Variants in VPS53 observed in about 807,000 individuals in gnomAD.
VPS53 encodes vacuolar protein sorting-associated protein 53 homolog.
VPS53 carries 70 observed loss-of-function variants against 107.0 expected under a neutral mutation model. That is an observed-to-expected ratio of 0.65 (90% confidence interval 0.54 to 0.80). The LOEUF is 0.80. Ranked by LOEUF, VPS53 falls within the 30% of genes least tolerant of loss-of-function variation. VPS53 has a pLI of 0.00. For missense variants in VPS53, 917 were observed against 1,049.4 expected, an observed-to-expected ratio of 0.87 and a Z score of 1.74; for synonymous variants, 409 against 393.3, an observed-to-expected ratio of 1.04 and a Z score of -0.47.
chr17:587,216 C>G (rs404530), intron 12 of VPS53, among the ~76,000 whole-genome samples: 67,647 of 151,934 alleles, frequency 0.45, 16,590 homozygotes, highest in African/African-American at 0.65. Flanking sequence ...GCACACGCCA[C>G]CACACCGAGC....
intron 13 of VPS53, among the ~76,000 whole-genome samples, chr17:584,202 G>C (rs913410895): frequency 6.6e-6 from 1 of 152,164 alleles, no homozygotes; most frequent in African/African-American, 2.4e-5. Flanking sequence ...AGACTGTGAG[G>C]CTTCCTCTGG....
At chr17:645,587 A>T (rs1481034407) in intron 7 of VPS53, among the ~76,000 whole-genome samples, 1 of 152,236 alleles carries the variant, frequency 6.6e-6, no homozygotes, top group Non-Finnish European at 1.5e-5. Context: ...TGCCAAATAC[A>T]GTGGTGTGAA....
intron 13 of VPS53, among the ~76,000 whole-genome samples, chr17:566,072 C>T (rs1045040334): frequency 1.5e-4 from 23 of 150,706 alleles, no homozygotes; most frequent in Admixed American, 8.6e-4. Context: ...GGCGTAGTGG[C>T]GGGCGCCTGT....
At chr17:643,231 A>C (rs201611167) in intron 7 of VPS53, among the ~76,000 whole-genome samples, 261 of 18,898 alleles carry the variant, frequency 0.014, no homozygotes, top group Non-Finnish European at 0.025. Context: ...TCATACTTGG[A>C]AACCGAGGAC....
chr17:623,947 T>G (rs1969579579), intron 10 of VPS53, among the ~76,000 whole-genome samples: 2 of 152,080 alleles, frequency 1.3e-5, no homozygotes, highest in African/African-American at 4.8e-5. Flanking sequence ...ATTTATTTAT[T>G]TATTTATTTG....
At chr17:688,636 G>A (rs977330156) in intron 4 of VPS53, among the ~76,000 whole-genome samples, 3 of 151,226 alleles carry the variant, frequency 2.0e-5, no homozygotes, top group South Asian at 2.1e-4. Flanking sequence ...ATGAACAGTC[G>A]CCCGCCCCGC....
intron 7 of VPS53, among the ~76,000 whole-genome samples, chr17:636,137 GA>G (rs1209494477): frequency 1.3e-5 from 2 of 152,068 alleles, no homozygotes; most frequent in East Asian, 1.9e-4. Flanking sequence ...GGATTCCTAG[GA>G]TTCCCAAATT....
intron 4 of VPS53, among the ~76,000 whole-genome samples, chr17:694,511 T>C (rs1972880981): frequency 6.6e-6 from 1 of 152,176 alleles, no homozygotes; most frequent in South Asian, 2.1e-4. Flanking sequence ...TAAACATCTA[T>C]GACTCCTGCA....
Position 518,962 on chromosome 17 carries a change from C to T in VPS53, c.*166G>A. The T allele has an allele frequency of 1.4e-6, 1 of 719,326 alleles. No individual in the cohort carries two copies. Among genetic ancestry groups the T allele is most frequent in the South Asian group, 2.4e-5 (1 of 41,356 alleles). 44.6% of individuals were successfully genotyped at this position (719,326 alleles called of 1,614,324 possible). On this transcript the variant is annotated 3_prime_UTR_variant, in exon 22 of 22. Transcript: ENST00000437048. ...CCTTACTCAGCGTCTCCGATTAGGG[C>T]AGGAAGTAAGACAGGGCATGGGAGA...
intron 19 of VPS53, among the ~76,000 whole-genome samples, chr17:530,751 C>A (rs1345875496): frequency 6.6e-6 from 1 of 152,112 alleles, no homozygotes; most frequent in Non-Finnish European, 1.5e-5. Context: ...ACAGGATGAT[C>A]TGAAGATCAT....
chr17:638,424 T>G (rs1162247596), intron 7 of VPS53, among the ~76,000 whole-genome samples: 1 of 152,212 alleles, frequency 6.6e-6, no homozygotes, highest in Non-Finnish European at 1.5e-5. Flanking sequence ...CATTTAAGGT[T>G]AATATTGTTA....
chr17:520,586 T>G lies in VPS53; in HGVS notation c.2224-656A>C, dbSNP rs569727622. 1.6e-4 allele frequency among the ~76,000 whole-genome samples: 25 copies of G among 152,368 alleles called. No homozygotes were observed. In the East Asian group the frequency reaches 4.8e-3, roughly 29 times the overall value. On this transcript the variant is annotated intron_variant, in intron 20 of 21. Coordinates refer to ENST00000437048, the MANE Select transcript of VPS53 (RefSeq NM_001128159.3). The surrounding 1 kb of genome is among the most constrained non-coding windows in gnomAD (Gnocchi z 4.4). ...CTGCAACCCTTATTCATTTCCGTTT[T>G]GTTCTGGAATGCAGTATCTGATTTT...
chr17:710,155 A>C (rs936972809), intron 2 of VPS53, among the ~76,000 whole-genome samples: 4 of 152,108 alleles, frequency 2.6e-5, no homozygotes, highest in African/African-American at 9.7e-5. Context: ...CAAAAAAACT[A>C]ATAAATAGAA....
At position 558,900 on chromosome 17, in the gene VPS53, C is replaced by G. The variant is rs545096294; in HGVS notation, c.1704+1526G>C. 3.9e-4 allele frequency among the ~76,000 whole-genome samples: 59 copies of G among 151,260 alleles called. 1 individual carries two copies. Among genetic ancestry groups the G allele is most frequent in the African/African-American group, 1.2e-3 (51 of 41,146 alleles). ...ATCCCAGCTACTCAGGAGGCTGAGG[C>G]AGAAGAATTGCTTGAACCTGGGAGG... On this transcript the variant is annotated intron_variant, in intron 15 of 21. Coordinates refer to ENST00000437048, the MANE Select transcript of VPS53 (RefSeq NM_001128159.3).
At chr17:655,793 G>A (rs761239782) in intron 6 of VPS53, 45 bp downstream of exon 6, 33 of 1,547,228 alleles carry the variant, frequency 2.1e-5, no homozygotes, top group South Asian at 3.4e-5. Context: ...TTCTCTATGC[G>A]ATACATTTCC....
At chr17:591,840 T>C (rs12601201) in intron 12 of VPS53, among the ~76,000 whole-genome samples, 8,816 of 152,188 alleles carry the variant, frequency 0.058, 521 homozygotes, top group East Asian at 0.3. Context: ...CTGAAAAAAA[T>C]GTATATTCTG....
intron 13 of VPS53, among the ~76,000 whole-genome samples, chr17:570,778 G>A (rs972537089): frequency 7.2e-5 from 11 of 152,144 alleles, no homozygotes; most frequent in African/African-American, 2.7e-4. Flanking sequence ...GACAACTGCT[G>A]AAATGTGAGG....
Position 610,152 on chromosome 17 carries a change from C to G in VPS53, c.1117-8256G>C, listed in dbSNP as rs1324270688. The stretch of plus-strand genomic sequence containing the variant: ...TCACACACACACACACACACACACA[C>G]ACACACACACACACACACACACACA... On this transcript the variant is annotated intron_variant, in intron 11 of 21. Coordinates refer to ENST00000437048, the MANE Select transcript of VPS53 (RefSeq NM_001128159.3). 4.0e-5 allele frequency among the ~76,000 whole-genome samples: 6 copies of G among 150,774 alleles called. No homozygotes were observed. The East Asian group carries it at 1.2e-3, about 30-fold the overall frequency.
intron 5 of VPS53, chr17:657,048 G>A: frequency 1.1e-6 from 1 of 878,654 alleles, no homozygotes. Context: ...ACCATATATG[G>A]CTTGCCAGTG....
Sources: allele counts gnomAD v4.1 joint callset (sites outside exome capture counted in the v4.1 genomes callset), GRCh38; gene constraint gnomAD v4.1.1; non-coding constraint Gnocchi (gnomAD v3.1); transcripts MANE v1.5; gene names NCBI Gene and HGNC (gene_info 2026-07-23, HGNC 2026-07-21).